The following UBE2L3 variants were observed in gnomAD, a reference collection of about 807,000 sequenced individuals.
UBE2L3 encodes the protein ubiquitin conjugating enzyme E2 L3, also known as ubiquitin-conjugating enzyme E2 L3.
In UBE2L3, 1 loss-of-function variant was observed where a neutral mutation model predicts 17.8. The observed-to-expected ratio is 0.06, with a 90% CI of 0.02 to 0.27. UBE2L3 has a LOEUF of 0.27. UBE2L3 is among the 10% of genes least tolerant of loss of function. The pLI, the probability that UBE2L3 is intolerant of heterozygous loss-of-function variation, is 1.00. For synonymous variants in UBE2L3, 44 were observed against 68.5 expected (o/e 0.64, Z 1.76); for missense variants, 40 against 192.6 (o/e 0.21, Z 4.69).
At chr22:21,599,214 A>G (rs887548520) in intron 2 of UBE2L3, among the ~76,000 whole-genome samples, 1 of 151,970 alleles carries the variant, frequency 6.6e-6, no homozygotes, top group Admixed American at 6.6e-5. Flanking sequence ...CTGGCCTTTG[A>G]TGGGAGCTGC....
At chr22:21,621,251 C>A (rs2148452086) in intron 3 of UBE2L3, among the ~76,000 whole-genome samples, 1 of 152,264 alleles carries the variant, frequency 6.6e-6, no homozygotes, top group Middle Eastern at 3.4e-3. Context: ...AGGAAGGCTT[C>A]CTGGAGGCGG....
chr22:21,562,249 C>T (rs993306570), intron 1 of UBE2L3, among the ~76,000 whole-genome samples: 1 of 150,026 alleles, frequency 6.7e-6, no homozygotes, highest in South Asian at 2.1e-4. Flanking sequence ...GGCTGGAATG[C>T]AGTGGCGTGA....
intron 2 of UBE2L3, among the ~76,000 whole-genome samples, chr22:21,605,204 G>GT (rs1053272353): frequency 2.4e-4 from 37 of 152,220 alleles, no homozygotes; most frequent in South Asian, 2.3e-3. Context: ...GTTTTGTTTT[G>GT]TTTTTTTGAG....
At chr22:21,567,938 C>T (rs897664646) in intron 1 of UBE2L3, 167 bp downstream of exon 1, 5 of 1,425,106 alleles carry the variant, frequency 3.5e-6, no homozygotes, top group Middle Eastern at 2.6e-4. Context: ...CGGGGCTGGC[C>T]TAGGCCGCAG....
At chr22:21,614,168 A>AT (rs1929646748) in intron 3 of UBE2L3, among the ~76,000 whole-genome samples, 1 of 152,118 alleles carries the variant, frequency 6.6e-6, no homozygotes, top group Non-Finnish European at 1.5e-5. Flanking sequence ...CTGATTCTTC[A>AT]TATGTTGGGT....
intron 2 of UBE2L3, among the ~76,000 whole-genome samples, chr22:21,593,196 A>G (rs1928351909): frequency 6.6e-6 from 1 of 152,106 alleles, no homozygotes; most frequent in Non-Finnish European, 1.5e-5. Context: ...ATCTGTAGAC[A>G]CAGAGAAAAG....
chr22:21,595,660 T>C (rs574136348), intron 2 of UBE2L3, among the ~76,000 whole-genome samples: 1 of 152,218 alleles, frequency 6.6e-6, no homozygotes, highest in East Asian at 1.9e-4. Flanking sequence ...ACATTTGTTT[T>C]TCTGTAATTT....
At chr22:21,573,623 G>A (rs576406186) in intron 1 of UBE2L3, among the ~76,000 whole-genome samples, 1 of 152,274 alleles carries the variant, frequency 6.6e-6, no homozygotes. Flanking sequence ...TTAAGCACGA[G>A]TAGGGTTTCA....
chr22:21,588,580 T>C (rs1046876438), intron 1 of UBE2L3, among the ~76,000 whole-genome samples: 2 of 151,530 alleles, frequency 1.3e-5, no homozygotes, highest in Admixed American at 1.3e-4. Context: ...CAGGTGATTC[T>C]TCCGCTTTCA....
At chr22:21,552,148 T>G (rs2845511) in intron 1 of UBE2L3, among the ~76,000 whole-genome samples, 7 of 152,138 alleles carry the variant, frequency 4.6e-5, no homozygotes, top group African/African-American at 7.3e-5. Context: ...AGTGGCTTTT[T>G]GGAGACATGG....
At chr22:21,577,730 G>T (rs1213049563) in intron 1 of UBE2L3, among the ~76,000 whole-genome samples, 1 of 152,126 alleles carries the variant, frequency 6.6e-6, no homozygotes, top group Admixed American at 6.6e-5. Flanking sequence ...TGTTTGTTTT[G>T]GTTTTTAACA....
At chr22:21,597,126 G>A (rs1928573688) in intron 2 of UBE2L3, among the ~76,000 whole-genome samples, 2 of 151,668 alleles carry the variant, frequency 1.3e-5, no homozygotes, top group African/African-American at 2.4e-5. Flanking sequence ...CTATAGGCGT[G>A]CACCACCACA....
intron 1 of UBE2L3, among the ~76,000 whole-genome samples, chr22:21,585,603 G>T (rs1310989219): frequency 6.6e-6 from 1 of 152,194 alleles, no homozygotes; most frequent in Admixed American, 6.5e-5. Flanking sequence ...TTGAGAGAAA[G>T]GAGCATCCCT....
chr22:21,611,336 T>A (rs966193857), intron 3 of UBE2L3, among the ~76,000 whole-genome samples: 1 of 152,136 alleles, frequency 6.6e-6, no homozygotes, highest in Non-Finnish European at 1.5e-5. Flanking sequence ...GTGCAGGCAC[T>A]GGTCCCTGGA....
chr22:21,578,538 G>A (rs1418373925), intron 1 of UBE2L3, among the ~76,000 whole-genome samples: 1 of 152,090 alleles, frequency 6.6e-6, no homozygotes, highest in Non-Finnish European at 1.5e-5. Flanking sequence ...TCAAGGAGCT[G>A]TCAGTCTGGT....
chr22:21,588,728 A>G (rs1222492535), intron 1 of UBE2L3, among the ~76,000 whole-genome samples: 2 of 151,710 alleles, frequency 1.3e-5, no homozygotes, highest in Admixed American at 1.3e-4. Flanking sequence ...CAGTGGCGCA[A>G]TCTTGGCTCA....
intron 3 of UBE2L3, among the ~76,000 whole-genome samples, chr22:21,616,924 A>C (rs191828973): frequency 1.2e-3 from 176 of 151,972 alleles, no homozygotes; most frequent in African/African-American, 3.5e-3. Flanking sequence ...CATTAAGAAC[A>C]AAAGGGCCAG....
rs200086197 is a variant in UBE2L3, at chr22:21,582,315, AAG to A, written c.28-10544_28-10543del. 9.6e-3 allele frequency among the ~76,000 whole-genome samples: 1,453 copies of A among 151,250 alleles called. 28 individuals carry two copies. Among genetic ancestry groups the A allele is most frequent in the African/African-American group, 0.034 (1,384 of 41,278 alleles). On this transcript the variant is annotated intron_variant, in intron 1 of 3. Transcript: ENST00000342192. The stretch of plus-strand genomic sequence containing the variant: ...TCAAGGCTCCAGTTTTTTCCTTGCC[AAG>A]AAACTGGGTGGTATGAATGTGGTGG...
chr22:21,572,555 A>G (rs1927038218), intron 1 of UBE2L3, among the ~76,000 whole-genome samples: 1 of 152,136 alleles, frequency 6.6e-6, no homozygotes, highest in Non-Finnish European at 1.5e-5. Context: ...AGGACACTTG[A>G]AAGTATTCTC....
Sources: gnomAD v4.1 joint callset for allele counts (sites outside exome capture counted in the v4.1 genomes callset) on GRCh38, gnomAD v4.1.1 for gene constraint, MANE v1.5 for transcripts, NCBI Gene and HGNC (gene_info 2026-07-23, HGNC 2026-07-21) for gene names.